The following PTPRG variants were observed in gnomAD, a reference collection of about 807,000 sequenced individuals.
The protein encoded by PTPRG is protein tyrosine phosphatase receptor type G.
A neutral mutation model predicts 165.3 loss-of-function variants in PTPRG; 102 were observed. The ratio of observed to expected loss-of-function variants is 0.62; its 90% CI spans 0.53 to 0.73. PTPRG has a LOEUF of 0.73. Among genes scored for constraint, PTPRG ranks in the 30% least tolerant of loss-of-function variants. The pLI is 0.00. For missense variants in PTPRG, 1,866 were observed against 1,861.4 expected (o/e 1.00, Z -0.05); for synonymous variants, 675 against 669.5 (o/e 1.01, Z -0.13).
At chr3:62,268,903 C>T (rs1011623184) in intron 19 of PTPRG, 132 bp from the exon 20 acceptor site, 1 of 1,010,248 alleles carries the variant, frequency 9.9e-7, no homozygotes. Context: ...AGCAGTTAAA[C>T]TCACGTATTC....
At position 61,606,482 on chromosome 3, in the gene PTPRG, T is replaced by A. The variant is rs770480673; in HGVS notation, c.85+44110T>A. ...GGGCCATTGATATACATCTGCAATA[T>A]CCCTAACTCCTGCGGAGCTATATAC... On this transcript the variant is annotated intron_variant, in intron 1 of 29. Transcript: ENST00000474889. Among the ~76,000 whole-genome samples the A allele has an allele frequency of 6.6e-5, 10 of 152,342 alleles. No homozygotes were observed. In the South Asian group the frequency reaches 1.7e-3, roughly 25 times the overall value.
At chr3:62,192,807 A>G (rs879918612) in intron 9 of PTPRG, among the ~76,000 whole-genome samples, 1 of 152,204 alleles carries the variant, frequency 6.6e-6, no homozygotes, top group Non-Finnish European at 1.5e-5. Flanking sequence ...AGGCTCTGGA[A>G]TAATGAAACC....
intron 4 of PTPRG, among the ~76,000 whole-genome samples, chr3:62,013,133 C>G (rs1237199962): frequency 6.6e-6 from 1 of 151,954 alleles, no homozygotes; most frequent in Non-Finnish European, 1.5e-5. Context: ...AAAAGAAATT[C>G]AATTTCAGTT....
intron 1 of PTPRG, among the ~76,000 whole-genome samples, chr3:61,731,990 C>T (rs1017766648): frequency 3.3e-5 from 5 of 151,434 alleles, no homozygotes; most frequent in East Asian, 2.0e-4. Flanking sequence ...TCAATAGAGA[C>T]GGGGGAGTTC....
intron 4 of PTPRG, among the ~76,000 whole-genome samples, chr3:62,066,398 T>G (rs760226511): frequency 3.8e-4 from 58 of 152,246 alleles, no homozygotes; most frequent in Non-Finnish European, 7.6e-4. Context: ...GAAATTCTAT[T>G]GAATTTATAG....
intron 2 of PTPRG, among the ~76,000 whole-genome samples, chr3:61,811,193 G>C (rs545978635): frequency 6.6e-6 from 1 of 152,088 alleles, no homozygotes; most frequent in South Asian, 2.1e-4. Flanking sequence ...GTCATGGAAG[G>C]CCCATGAATA....
chr3:61,654,782 C>CTTTT (rs5849443), intron 1 of PTPRG, among the ~76,000 whole-genome samples: 14 of 129,406 alleles, frequency 1.1e-4, no homozygotes, highest in African/African-American at 3.8e-4. Context: ...TGTGCTTTTT[C>CTTTT]TTTTTTTTTT....
intron 1 of PTPRG, among the ~76,000 whole-genome samples, chr3:61,662,761 G>A (rs531088568): frequency 2.6e-5 from 4 of 152,180 alleles, no homozygotes; most frequent in Admixed American, 6.5e-5. Context: ...AATGTTTTGG[G>A]GTTAGATTTG....
chr3:61,814,934 C>T (rs2035708720), intron 2 of PTPRG, among the ~76,000 whole-genome samples: 1 of 151,860 alleles, frequency 6.6e-6, no homozygotes, highest in South Asian at 2.1e-4. Flanking sequence ...GATGCTGAAG[C>T]TTAGAGTGGC....
intron 1 of PTPRG, among the ~76,000 whole-genome samples, chr3:61,629,587 A>C (rs1270819267): frequency 1.3e-5 from 2 of 152,324 alleles, no homozygotes; most frequent in South Asian, 2.1e-4. Flanking sequence ...TTTAACATCA[A>C]AGTTGACAAA....
At chr3:62,192,456 T>A (rs1009052867) in intron 9 of PTPRG, among the ~76,000 whole-genome samples, 1 of 129,956 alleles carries the variant, frequency 7.7e-6, no homozygotes, top group Non-Finnish European at 1.6e-5. Flanking sequence ...TCGCCCAGGC[T>A]GGAGTGCAGT....
chr3:62,267,332 C>A, intron 17 of PTPRG, 78 bp from the exon 18 acceptor site: 2 of 1,088,620 alleles, frequency 1.8e-6, no homozygotes, highest in South Asian at 1.4e-5. Context: ...TACCTGATTG[C>A]CTTGTGTTGT....
At chr3:61,989,843 G>C in intron 3 of PTPRG, 39 bp downstream of exon 3, 1 of 1,605,386 alleles carries the variant, frequency 6.2e-7, no homozygotes, top group Non-Finnish European at 8.5e-7. Flanking sequence ...AGAGCAACAG[G>C]AACTATTTTT....
Position 62,219,908 on chromosome 3 carries a change from TA to T in PTPRG, c.2288+927del, listed in dbSNP as rs1400520101. ...GCAAATAAGTAAAACATGTAATTTC[TA>T]AGATGGTGGTAACTGGATAATGGAG... On this transcript the variant is annotated intron_variant, in intron 13 of 29. Transcript: ENST00000474889. This position sits in a 1 kb window ranked among gnomAD's most constrained non-coding sequence, Gnocchi z 4.5. Among the ~76,000 whole-genome samples, 1 of 152,236 alleles carries T rather than the reference TA, an allele frequency of 6.6e-6. No individual in the cohort carries two copies. The highest frequency in any genetic ancestry group is 1.9e-4 in the East Asian group (1 of 5,200).
chr3:62,065,475 C>G (rs189590571), intron 4 of PTPRG, among the ~76,000 whole-genome samples: 24 of 152,264 alleles, frequency 1.6e-4, no homozygotes, highest in Non-Finnish European at 2.9e-4. Flanking sequence ...GGCAGTCTTT[C>G]AGGGGGCTTG....
rs1430466107 is a variant in PTPRG, at chr3:61,959,898, T to C, written c.191-29727T>C. On this transcript the variant is annotated intron_variant, in intron 2 of 29. Transcript: ENST00000474889. ...TACATTGCATTCATTTTACATCTGCTTGGGCTGAGCTCTGTCCTGCCCCTA... is the reference window on the plus strand; with the variant it reads ...TACATTGCATTCATTTTACATCTGCCTGGGCTGAGCTCTGTCCTGCCCCTA... 2.6e-5 allele frequency among the ~76,000 whole-genome samples: 4 copies of C among 152,144 alleles called. No individual in the cohort carries two copies. The East Asian group carries it at 7.7e-4, about 29-fold the overall frequency.
chr3:61,908,411 CAAAAAAAAA>C (rs776421819), intron 2 of PTPRG, among the ~76,000 whole-genome samples: 1 of 57,756 alleles, frequency 1.7e-5, no homozygotes. Context: ...GGCAACAGAG[CAAAAAAAAA>C]AAAAAAAAAA....
intron 4 of PTPRG, among the ~76,000 whole-genome samples, chr3:62,040,489 C>CT (rs2107801031): frequency 1.3e-5 from 2 of 152,326 alleles, no homozygotes; most frequent in Admixed American, 1.3e-4. Context: ...GAGTCTTACT[C>CT]TGTTACCAGA....
At chr3:61,633,946 A>G (rs1286999815) in intron 1 of PTPRG, among the ~76,000 whole-genome samples, 1 of 151,338 alleles carries the variant, frequency 6.6e-6, no homozygotes, top group Non-Finnish European at 1.5e-5. Context: ...AAAGGGTCTC[A>G]GTCTGTCACC....
Sources: allele counts gnomAD v4.1 joint callset (sites outside exome capture counted in the v4.1 genomes callset), GRCh38; gene constraint gnomAD v4.1.1; non-coding constraint Gnocchi (gnomAD v3.1); transcripts MANE v1.5; gene names NCBI Gene and HGNC (gene_info 2026-07-23, HGNC 2026-07-21).